Variants in SAMD5 observed in about 807,000 individuals in gnomAD.
SAMD5 encodes the protein sterile alpha motif domain containing 5, also known as sterile alpha motif domain-containing protein 5.
SAMD5 carries 13 observed loss-of-function variants against 11.3 expected under a neutral mutation model. The observed-to-expected ratio is 1.15, with a 90% CI of 0.75 to 1.83. SAMD5 has a LOEUF of 1.83. SAMD5 is among the 40% of genes most tolerant of loss of function. The probability of loss-of-function intolerance (pLI) is 0.00; values close to 1 mark genes in which losing one functional copy is unlikely to be tolerated. For missense variants in SAMD5, 255 were observed against 239.1 expected (o/e 1.07, Z -0.44); for synonymous variants, 129 against 111.3 (o/e 1.16, Z -1.00).
chr6:147,526,356 C>T (rs1788339664), intron 1 of SAMD5, among the ~76,000 whole-genome samples: 2 of 152,264 alleles, frequency 1.3e-5, no homozygotes, highest in Admixed American at 6.5e-5. Context: ...TCAAAGGTGA[C>T]AATACTATGA....
chr6:147,630,768 A>G (rs771551928), intron 1 of SAMD5, among the ~76,000 whole-genome samples: 38 of 152,266 alleles, frequency 2.5e-4, no homozygotes, highest in Middle Eastern at 3.4e-3. Context: ...GCCAAAACCC[A>G]TGAAATTTGG....
intron 1 of SAMD5, among the ~76,000 whole-genome samples, chr6:147,586,639 T>C (rs1278484436): frequency 6.6e-6 from 1 of 151,902 alleles, no homozygotes; most frequent in Non-Finnish European, 1.5e-5. Flanking sequence ...TCTGTGATAA[T>C]TGTGGGAGTT....
At chr6:147,810,760 A>G in the SAMD5 span, among the ~76,000 whole-genome samples, 1 of 152,202 alleles carries the variant, frequency 6.6e-6, no homozygotes, top group Non-Finnish European at 1.5e-5. Flanking sequence ...ATAATGGTAC[A>G]AAGAATGCAC....
the SAMD5 span, among the ~76,000 whole-genome samples, chr6:147,780,766 G>T: frequency 6.6e-6 from 1 of 152,140 alleles, no homozygotes; most frequent in Non-Finnish European, 1.5e-5. Flanking sequence ...CTTTTAAAAA[G>T]TGGAAGCTAC....
At chr6:147,940,730 A>C in the SAMD5 span, among the ~76,000 whole-genome samples, 2 of 152,176 alleles carry the variant, frequency 1.3e-5, no homozygotes, top group African/African-American at 4.8e-5. Context: ...TGGGAGGCCA[A>C]GGCAGGTGGA....
At chr6:147,925,721 G>A in the SAMD5 span, among the ~76,000 whole-genome samples, 361 of 129,914 alleles carry the variant, frequency 2.8e-3, 1 homozygote, top group African/African-American at 0.01. Context: ...AGGAGTACAT[G>A]TGCAGGTTTG....
At chr6:147,915,833 T>G in the SAMD5 span, among the ~76,000 whole-genome samples, 1 of 152,220 alleles carries the variant, frequency 6.6e-6, no homozygotes, top group East Asian at 1.9e-4. Context: ...ACATGTGCCA[T>G]GTTGGTGTGC....
the SAMD5 span, among the ~76,000 whole-genome samples, chr6:147,921,422 C>T: frequency 1.3e-5 from 2 of 151,994 alleles, no homozygotes; most frequent in African/African-American, 2.4e-5. Flanking sequence ...AGATTAGTGC[C>T]GCCACCACAG....
chr6:147,651,913 C>T (rs377585640), intron 1 of SAMD5, among the ~76,000 whole-genome samples: 3 of 152,180 alleles, frequency 2.0e-5, no homozygotes, highest in African/African-American at 4.8e-5. Flanking sequence ...CAAGACCACA[C>T]CCAGGCCCGC....
At chr6:147,837,374 TA>T in the SAMD5 span, among the ~76,000 whole-genome samples, 1 of 152,188 alleles carries the variant, frequency 6.6e-6, no homozygotes, top group East Asian at 1.9e-4. Flanking sequence ...TTCAAATAAC[TA>T]AAACATAAGC....
intron 1 of SAMD5, among the ~76,000 whole-genome samples, chr6:147,530,472 G>A (rs1338930269): frequency 6.6e-6 from 1 of 152,234 alleles, no homozygotes; most frequent in Non-Finnish European, 1.5e-5. Context: ...GGAGCACAAA[G>A]GGAAGCAGCC....
At chr6:147,596,879 T>C (rs930700419) in intron 1 of SAMD5, among the ~76,000 whole-genome samples, 7 of 152,290 alleles carry the variant, frequency 4.6e-5, no homozygotes, top group Non-Finnish European at 8.8e-5. Context: ...CAGCTGATGG[T>C]GATGTTTCTT....
chr6:147,595,480 T>G (rs1789514722), intron 1 of SAMD5, among the ~76,000 whole-genome samples: 1 of 151,330 alleles, frequency 6.6e-6, no homozygotes, highest in African/African-American at 2.4e-5. Flanking sequence ...TGCCCTGGAC[T>G]ATCCCCACCC....
chr6:147,851,158 G>T, the SAMD5 span, among the ~76,000 whole-genome samples: 2 of 151,932 alleles, frequency 1.3e-5, no homozygotes, highest in Middle Eastern at 6.8e-3. Context: ...TGGCCAGGCT[G>T]GTCTCAAACT....
intron 1 of SAMD5, among the ~76,000 whole-genome samples, chr6:147,700,643 T>G (rs1029226049): frequency 5.3e-5 from 8 of 152,268 alleles, no homozygotes; most frequent in Non-Finnish European, 1.0e-4. Flanking sequence ...ATCATTCTGC[T>G]ACACGTGGTG....
the SAMD5 span, among the ~76,000 whole-genome samples, chr6:147,911,322 T>G: frequency 6.6e-6 from 1 of 152,130 alleles, no homozygotes; most frequent in Non-Finnish European, 1.5e-5. Context: ...CCTTCAAAAG[T>G]CAGGATTCCC....
At chr6:147,749,178 T>G in the SAMD5 span, among the ~76,000 whole-genome samples, 1,048 of 151,862 alleles carry the variant, frequency 6.9e-3, 8 homozygotes, top group African/African-American at 0.018. Context: ...TTTTGTTTTT[T>G]TTTTTTTTTG....
the SAMD5 span, among the ~76,000 whole-genome samples, chr6:147,808,655 TTTCA>T: frequency 6.6e-6 from 1 of 152,238 alleles, no homozygotes; most frequent in African/African-American, 2.4e-5. Context: ...TTGTTTAAAG[TTTCA>T]TTCTAGGCAA....
In SAMD5 at chr6:147,712,809, A is replaced by T. The variant is rs74711238; in HGVS notation, c.163-24508A>T. ...TAGACTTCCCAGCCTCTGGAACTAT[A>T]AAAAAAAAAAAAAGTCTGTTGTTTA... On this transcript the variant is annotated intron_variant, in intron 1 of 1. Coordinates refer to the SAMD5 transcript ENST00000566741. Among the ~76,000 whole-genome samples the T allele has an allele frequency of 4.4e-5, 6 of 137,118 alleles. No individual in the cohort carries two copies. The South Asian group carries it at 9.2e-4, about 21-fold the overall frequency. The allele number at this position is 137,118 out of a possible 152,430, so 90.0% of individuals were successfully genotyped here.
Sources: gnomAD v4.1 joint callset for allele counts (sites outside exome capture counted in the v4.1 genomes callset) on GRCh38, gnomAD v4.1.1 for gene constraint, MANE v1.5 for transcripts, NCBI Gene and HGNC (gene_info 2026-07-23, HGNC 2026-07-21) for gene names.